The following SEC23IP variants were observed in gnomAD, a reference collection of about 807,000 sequenced individuals.
SEC23IP encodes SEC23-interacting protein.
A neutral mutation model predicts 113.4 loss-of-function variants in SEC23IP; 70 were observed. The observed-to-expected ratio is 0.62, with a 90% CI of 0.51 to 0.75. SEC23IP has a LOEUF of 0.75. Ranked by LOEUF, SEC23IP falls within the 30% of genes least tolerant of loss-of-function variation. The probability of loss-of-function intolerance (pLI) is 0.00; values close to 1 mark genes in which losing one functional copy is unlikely to be tolerated. For synonymous variants in SEC23IP, 398 were observed against 421.0 expected (o/e 0.95, Z 0.67); for missense variants, 1,160 against 1,204.9 (o/e 0.96, Z 0.55).
intron 18 of SEC23IP, among the ~76,000 whole-genome samples, chr10:119,938,289 C>T (rs960855786): frequency 6.6e-6 from 1 of 152,098 alleles, no homozygotes; most frequent in Non-Finnish European, 1.5e-5. Flanking sequence ...TAGGATGATG[C>T]TGGTAGTGTG....
At chr10:119,938,163 C>A (rs1158194908) in intron 18 of SEC23IP, among the ~76,000 whole-genome samples, 1 of 151,736 alleles carries the variant, frequency 6.6e-6, no homozygotes, top group Non-Finnish European at 1.5e-5. Context: ...TCAGCTGTTG[C>A]CTTAACGGAA....
rs1855998177 is a variant in SEC23IP, at chr10:119,942,730, A to G, written c.*2165A>G. The G allele has an allele frequency of 6.6e-6, 1 of 152,196 alleles. No individual in the cohort carries two copies. Among genetic ancestry groups the G allele is most frequent in the Non-Finnish European group, 1.5e-5 (1 of 68,030 alleles). The allele number at this position is 152,196 out of a possible 1,614,324, so 9.4% of individuals were successfully genotyped here. ...AAGAGTCATCACAGTACTGATGAAG[A>G]CACCCAGGCCTCGTCAGCTATGTTA... On this transcript the variant is annotated 3_prime_UTR_variant, in exon 19 of 19. Transcript: ENST00000369075.
intron 18 of SEC23IP, among the ~76,000 whole-genome samples, chr10:119,934,407 G>A (rs1203164878): frequency 2.6e-5 from 4 of 152,200 alleles, no homozygotes; most frequent in African/African-American, 9.6e-5. Flanking sequence ...ATGAAAGATT[G>A]TAGAAGTAAT....
chr10:119,932,066 C>A, intron 15 of SEC23IP, 67 bp from the exon 16 acceptor site: 1 of 1,023,580 alleles, frequency 9.8e-7, no homozygotes, highest in Non-Finnish European at 1.5e-6. Flanking sequence ...TGTTAACTTA[C>A]AATTTTTGTG....
intron 11 of SEC23IP, among the ~76,000 whole-genome samples, chr10:119,919,926 A>C (rs1475937905): frequency 6.6e-6 from 1 of 152,240 alleles, no homozygotes; most frequent in East Asian, 1.9e-4. Context: ...TCAGTTACAG[A>C]AAGACCATCA....
At position 119,898,596 on chromosome 10, in the gene SEC23IP, A is replaced by G; in HGVS notation, c.333A>G (p.Ser111=). 1 of 1,614,250 alleles carries G rather than the reference A, an allele frequency of 6.2e-7. No homozygotes were observed. The highest frequency in any genetic ancestry group is 8.5e-7 in the Non-Finnish European group (1 of 1,180,042). The change falls in exon 2 of 19, where the codon TCA becomes TCG. Residue 111 remains serine, a synonymous_variant. Transcript: ENST00000369075. The stretch of plus-strand genomic sequence containing the variant: ...CTGCAGCAACCTCAGTTGGACAATC[A>G]GGATTCCCCAAGCCCCTGACTGCTC... ...LTTAATSVGQ[S]GFPKPLTALP... is the part of the protein sequence containing the mutation.
At chr10:119,893,823 C>T (rs2134442960) in intron 1 of SEC23IP, among the ~76,000 whole-genome samples, 1 of 152,274 alleles carries the variant, frequency 6.6e-6, no homozygotes, top group East Asian at 1.9e-4. Context: ...CATTCCTCAT[C>T]TTTCAAGACA....
chr10:119,906,374 A>G (rs1212412767), intron 4 of SEC23IP, among the ~76,000 whole-genome samples: 1 of 151,406 alleles, frequency 6.6e-6, no homozygotes, highest in Non-Finnish European at 1.5e-5. Flanking sequence ...ATTATCAGAT[A>G]AATTTTAGGC....
chr10:119,904,328 T>C, intron 4 of SEC23IP, 51 bp downstream of exon 4: 4 of 1,461,700 alleles, frequency 2.7e-6, no homozygotes, highest in Non-Finnish European at 3.8e-6. Context: ...GTAGGTCCTA[T>C]ATACATTGGT....
chr10:119,935,664 C>T (rs1855753998), intron 18 of SEC23IP, among the ~76,000 whole-genome samples: 1 of 152,144 alleles, frequency 6.6e-6, no homozygotes, highest in Non-Finnish European at 1.5e-5. Context: ...TGGACCAAAG[C>T]CTCTGCCCTC....
In SEC23IP at chr10:119,915,773, C is replaced by T; in HGVS notation, c.1428C>T (p.Leu476=). The T allele has an allele frequency of 6.3e-7, 1 of 1,575,764 alleles. No homozygotes were observed. The highest frequency in any genetic ancestry group is 8.6e-7 in the Non-Finnish European group (1 of 1,160,924). The change falls in exon 8 of 19, where the codon CTC becomes CTT. Residue 476 remains leucine, a synonymous_variant. Transcript: ENST00000369075. ...ECVDDFRVVS[L]KLLRTHFKKS... is the part of the protein sequence containing the mutation. ...TGGATGATTTTAGGGTGGTTTCTCT[C>T]AAATTGCTGCGGACACATTTCAAGA...
At chr10:119,917,579 A>G (rs528286594) in intron 8 of SEC23IP, among the ~76,000 whole-genome samples, 11 of 151,978 alleles carry the variant, frequency 7.2e-5, no homozygotes, top group African/African-American at 2.7e-4. Context: ...GGGTTTCGCC[A>G]TGTTGGCCTG....
intron 4 of SEC23IP, among the ~76,000 whole-genome samples, chr10:119,906,647 C>T (rs950999599): frequency 5.9e-5 from 9 of 152,134 alleles, no homozygotes; most frequent in African/African-American, 1.9e-4. Context: ...GTGATTTCAG[C>T]TCACTGTAAC....
At chr10:119,914,568 G>T (rs1854982213) in intron 6 of SEC23IP, 162 bp from the exon 7 acceptor site, 4 of 604,756 alleles carry the variant, frequency 6.6e-6, no homozygotes, top group Non-Finnish European at 1.2e-5. Context: ...GGGACAAATT[G>T]TTCCTCTAAT....
rs771974715 is a variant in SEC23IP, at chr10:119,904,176, G to C, written c.1000G>C (p.Glu334Gln). ...YDRIRKAAYW[E>Q]EEPAEVRRCT... ...CCGAATAAGGAAGGCTGCCTACTGGGAAGAGGAGCCAGCCGAAGTGAGACG... is the reference window on the plus strand; with the variant it reads ...CCGAATAAGGAAGGCTGCCTACTGGCAAGAGGAGCCAGCCGAAGTGAGACG... Residue 334 changes from glutamate (E) to glutamine (Q), a missense_variant, in exon 4 of 19, where the codon GAA becomes CAA. Transcript: ENST00000369075. 3.1e-6 allele frequency: 5 copies of C among 1,614,238 alleles called. No homozygotes were observed. The South Asian group carries it at 4.4e-5, about 14-fold the overall frequency.
chr10:119,913,224 G>T (rs564748523), intron 6 of SEC23IP, among the ~76,000 whole-genome samples: 86 of 123,892 alleles, frequency 6.9e-4, no homozygotes, highest in African/African-American at 2.8e-3. Flanking sequence ...ATACCACATA[G>T]TATAGATTCT....
intron 4 of SEC23IP, 86 bp downstream of exon 4, chr10:119,904,363 G>A (rs760825158): frequency 7.8e-5 from 92 of 1,177,766 alleles, no homozygotes; most frequent in Non-Finnish European, 1.0e-4. Context: ...ACAGTGGAGC[G>A]GACTTTACTT....
At position 119,930,012 on chromosome 10, in the gene SEC23IP, T is replaced by C. The variant is rs146793758; in HGVS notation, c.2469+250T>C. Among the ~76,000 whole-genome samples, 474 of 152,308 alleles carry C rather than the reference T, an allele frequency of 3.1e-3. 2 individuals are homozygous for C. The highest frequency in any genetic ancestry group is 0.011 in the African/African-American group (452 of 41,584). ...TCTTTATCCTAGTAAATTCTCATAT[T>C]CTTATTTCTTGGGAATTAATACCTA... On this transcript the variant is annotated intron_variant, in intron 14 of 18. Coordinates refer to ENST00000369075, the MANE Select transcript of SEC23IP (RefSeq NM_007190.4).
intron 12 of SEC23IP, among the ~76,000 whole-genome samples, chr10:119,923,851 TGTTG>T (rs1442048180): frequency 4.6e-5 from 7 of 152,130 alleles, no homozygotes. Context: ...GCCCAGCCTA[TGTTG>T]GTTCACTTTT....
Sources: allele counts gnomAD v4.1 joint callset (sites outside exome capture counted in the v4.1 genomes callset), GRCh38; gene constraint gnomAD v4.1.1; transcripts MANE v1.5; gene names NCBI Gene and HGNC (gene_info 2026-07-23, HGNC 2026-07-21).